The following DHX30 variants were observed in gnomAD, a reference collection of about 807,000 sequenced individuals.
The protein encoded by DHX30 is ATP-dependent RNA helicase DHX30.
DHX30 carries 4 observed loss-of-function variants against 116.9 expected under a neutral mutation model. The ratio of observed to expected loss-of-function variants is 0.03; its 90% CI spans 0.02 to 0.08. The LOEUF is 0.08. DHX30 is among the 10% of genes least tolerant of loss of function. The pLI is 1.00. For synonymous variants in DHX30, 697 were observed against 651.7 expected, an observed-to-expected ratio of 1.07 and a Z score of -1.06; for missense variants, 871 against 1,595.1, an observed-to-expected ratio of 0.55 and a Z score of 7.73.
chr3:47,804,182 C>T (rs1215212310), intron 1 of DHX30, among the ~76,000 whole-genome samples: 2 of 152,174 alleles, frequency 1.3e-5, no homozygotes, highest in East Asian at 1.9e-4. Flanking sequence ...TCCTTTGCTG[C>T]GTTTTCTACC....
At chr3:47,845,995 A>C in intron 10 of DHX30, 143 bp downstream of exon 10, 1 of 1,442,368 alleles carries the variant, frequency 6.9e-7, no homozygotes, top group Non-Finnish European at 9.3e-7. Flanking sequence ...CCCTGGCCTG[A>C]ACAGCCCAGT....
chr3:47,812,144 G>A (rs529305250), intron 3 of DHX30, among the ~76,000 whole-genome samples: 15 of 150,604 alleles, frequency 1.0e-4, no homozygotes, highest in Admixed American at 2.7e-4. Context: ...CAGGAGAATC[G>A]CTTGAACCTG....
chr3:47,850,028 CAGG>C lies in DHX30; in HGVS notation c.3499_3501del (p.Glu1167del). The C allele has an allele frequency of 6.2e-7, 1 of 1,608,684 alleles. No homozygotes were observed. The highest frequency in any genetic ancestry group is 8.5e-7 in the Non-Finnish European group (1 of 1,178,522). ...GCTGGCTGCACTTCCCCCCAGCGTA[CAGG>C]AGGAGCACGGGCAGCTGCTTGCGCT... On this transcript the variant is annotated inframe_deletion, in exon 22 of 22. Coordinates refer to ENST00000445061, the MANE Select transcript of DHX30 (RefSeq NM_138615.3).
chr3:47,839,469 T>G (rs974116926), intron 6 of DHX30, among the ~76,000 whole-genome samples: 1 of 151,360 alleles, frequency 6.6e-6, no homozygotes, highest in Non-Finnish European at 1.5e-5. Context: ...TGATTTTGTG[T>G]TTTTAGTAGA....
intron 2 of DHX30, among the ~76,000 whole-genome samples, chr3:47,809,288 C>CTGGAG (rs2035682643): frequency 9.0e-6 from 1 of 111,570 alleles, no homozygotes; most frequent in Non-Finnish European, 1.6e-5. Context: ...GTCGCCCAGG[C>CTGGAG]TGGAGTGCAG....
intron 6 of DHX30, among the ~76,000 whole-genome samples, chr3:47,835,404 G>A (rs575945576): frequency 1.3e-5 from 2 of 152,242 alleles, no homozygotes; most frequent in African/African-American, 4.8e-5. Context: ...CTGACCTCAG[G>A]TGATCTGCCT....
intron 2 of DHX30, among the ~76,000 whole-genome samples, chr3:47,809,125 C>G (rs1023076769): frequency 6.7e-6 from 1 of 149,756 alleles, no homozygotes; most frequent in African/African-American, 2.5e-5. Flanking sequence ...GTAATATTCA[C>G]TTAAAATGTT....
Position 47,810,689 on chromosome 3 carries a change from C to T in DHX30, c.6C>T (p.Phe2=), listed in dbSNP as rs2035749867. ...GCTTTCCCTCCTGGCCAGAAATGTTCAGCCTGGACTCATTCAGAAAAGGTA... is the reference window on the plus strand; with the variant it reads ...GCTTTCCCTCCTGGCCAGAAATGTTTAGCCTGGACTCATTCAGAAAAGGTA... M[F]SLDSFRKDRA... Residue 2 remains phenylalanine (F), a synonymous_variant, in exon 3 of 22, where the codon TTC becomes TTT. Coordinates refer to ENST00000445061, the MANE Select transcript of DHX30 (RefSeq NM_138615.3). The T allele has an allele frequency of 1.9e-6, 3 of 1,613,978 alleles. No individual in the cohort carries two copies. The highest frequency in any genetic ancestry group is 2.2e-5 in the South Asian group (2 of 91,070).
intron 1 of DHX30, among the ~76,000 whole-genome samples, chr3:47,804,320 C>A (rs2035425911): frequency 6.6e-6 from 1 of 152,112 alleles, no homozygotes; most frequent in Admixed American, 6.6e-5. Context: ...TTTGGGAGGC[C>A]GAGGCGGGTG....
intron 8 of DHX30, 137 bp downstream of exon 8, chr3:47,841,874 C>G (rs1302424241): frequency 3.2e-6 from 4 of 1,238,248 alleles, no homozygotes; most frequent in Non-Finnish European, 4.6e-6. Context: ...GGAACTCCTG[C>G]TTGGGAGGAA....
At chr3:47,833,108 TTTAA>T (rs747324939) in intron 6 of DHX30, among the ~76,000 whole-genome samples, 1 of 152,112 alleles carries the variant, frequency 6.6e-6, no homozygotes, top group Non-Finnish European at 1.5e-5. Flanking sequence ...ATTGTCTTTA[TTTAA>T]TGTGTACAGT....
At position 47,848,484 on chromosome 3, in the gene DHX30, T is replaced by A; in HGVS notation, c.2509T>A (p.Ser837Thr). 6.2e-7 allele frequency: 1 copy of A among 1,613,236 alleles called. No homozygotes were observed. Among genetic ancestry groups the A allele is most frequent in the Non-Finnish European group, 8.5e-7 (1 of 1,179,802 alleles). ...TCTGTCATAGGCGGTGGAGTTCCTG[T>A]CCAAGGCTGTGGACAGTCCAAACAT... Reference protein sequence around the residue: ...MPEKTAVEFLSKAVDSPNIKA... With the variant: ...MPEKTAVEFLTKAVDSPNIKA... The change falls in exon 16 of 22, where the codon TCC (serine) becomes ACC (threonine). Residue 837 changes from serine (S) to threonine (T), a missense_variant. Ser to Thr is a moderately conservative substitution (Grantham distance 58). Around this residue, in one of 13 missense-constraint regions of DHX30, gnomAD observed 238 missense variants for 481.0 expected, o/e 0.49. Transcript: ENST00000445061. This position sits in a 1 kb window ranked among gnomAD's most constrained non-coding sequence, Gnocchi z 9.4.
chr3:47,824,319 C>T (rs1198400095), intron 4 of DHX30, among the ~76,000 whole-genome samples: 1 of 151,876 alleles, frequency 6.6e-6, no homozygotes, highest in African/African-American at 2.4e-5. Flanking sequence ...AGCACTTTCA[C>T]TGCTGGACTT....
At chr3:47,816,098 G>A (rs1048135490) in intron 3 of DHX30, 47 of 985,096 alleles carry the variant, frequency 4.8e-5, no homozygotes, top group Non-Finnish European at 4.7e-5. Context: ...AGTTCTAGAA[G>A]ATCCTACAAG....
intron 1 of DHX30, among the ~76,000 whole-genome samples, chr3:47,803,858 A>G (rs569325166): frequency 1.3e-5 from 2 of 152,332 alleles, no homozygotes; most frequent in South Asian, 2.1e-4. Context: ...AGCCAGGGAT[A>G]TGGCATATCT....
At position 47,846,662 on chromosome 3, in the gene DHX30, G is replaced by A; in HGVS notation, c.1590G>A (p.Gly530=). The stretch of plus-strand genomic sequence containing the variant: ...AAAGTAAGCCCCCATCCCGAGGCGG[G>A]GCCCTGCTCTTCTGCACTGTGGGTA... ...RLESKPPSRG[G]ALLFCTVGIL... is the part of the protein sequence containing the mutation. The change falls in exon 11 of 22, where the codon GGG becomes GGA. Residue 530 remains glycine (G), a synonymous_variant. Coordinates refer to ENST00000445061, the MANE Select transcript of DHX30 (RefSeq NM_138615.3). The A allele has an allele frequency of 6.2e-7, 1 of 1,614,028 alleles. No individual in the cohort carries two copies. The highest frequency in any genetic ancestry group is 8.5e-7 in the Non-Finnish European group (1 of 1,179,976).
chr3:47,818,747 C>A (rs1465900499), intron 4 of DHX30, among the ~76,000 whole-genome samples: 1 of 152,154 alleles, frequency 6.6e-6, no homozygotes, highest in Non-Finnish European at 1.5e-5. Flanking sequence ...AGCATCGCTG[C>A]ACATGAGCGC....
intron 4 of DHX30, chr3:47,819,410 G>A: frequency 6.8e-6 from 5 of 735,178 alleles, no homozygotes; most frequent in Non-Finnish European, 8.9e-6. Flanking sequence ...GCTGCCTCTG[G>A]GGCAGCCCCA....
chr3:47,848,077 G>T lies in DHX30; in HGVS notation c.2287-103G>T. Reference sequence around the variant, plus strand: ...GTCTTCAGAAGGCCGCGCTTGTGGGGTCTCAGTGTTCCTGATGTAGGGGGC... The same window carrying T: ...GTCTTCAGAAGGCCGCGCTTGTGGGTTCTCAGTGTTCCTGATGTAGGGGGC... On this transcript the variant is annotated intron_variant, in intron 14 of 21. Transcript: ENST00000445061. The surrounding 1 kb of genome is among the most constrained non-coding windows in gnomAD (Gnocchi z 9.4). 1 of 1,582,226 alleles carries T rather than the reference G, an allele frequency of 6.3e-7. No homozygotes were observed. Among genetic ancestry groups the T allele is most frequent in the Non-Finnish European group, 8.6e-7 (1 of 1,157,254 alleles).
Sources: allele counts gnomAD v4.1 joint callset (sites outside exome capture counted in the v4.1 genomes callset), GRCh38; gene constraint gnomAD v4.1.1; regional missense constraint gnomAD v4.1.1; non-coding constraint Gnocchi (gnomAD v3.1); transcripts MANE v1.5; gene names NCBI Gene and HGNC (gene_info 2026-07-23, HGNC 2026-07-21).